The following SH3RF3 variants were observed in gnomAD, a reference collection of about 807,000 sequenced individuals.
SH3RF3 encodes the protein SH3 domain containing ring finger 3.
Under a neutral mutation model 66.3 loss-of-function variants are expected in SH3RF3, and 29 were observed. That is an observed-to-expected ratio of 0.44 (90% CI 0.33 to 0.60). SH3RF3 has a LOEUF of 0.60. SH3RF3 is among the 20% of genes least tolerant of loss of function. SH3RF3 has a pLI of 0.04. For missense variants in SH3RF3, 1,194 were observed against 1,190.9 expected (o/e 1.00, Z -0.04); for synonymous variants, 583 against 532.0 (o/e 1.10, Z -1.32).
At chr2:109,237,606 G>C (rs1679680006) in intron 1 of SH3RF3, among the ~76,000 whole-genome samples, 1 of 152,118 alleles carries the variant, frequency 6.6e-6, no homozygotes, top group Non-Finnish European at 1.5e-5. Flanking sequence ...TTGTGTGTGT[G>C]AATTTTTTTT....
intron 1 of SH3RF3, among the ~76,000 whole-genome samples, chr2:109,174,625 T>C (rs1371290399): frequency 6.6e-6 from 1 of 152,226 alleles, no homozygotes; most frequent in Non-Finnish European, 1.5e-5. Flanking sequence ...CCTTGCTATG[T>C]TTGATAAGGA....
rs972123734 is a variant in SH3RF3, at chr2:109,129,550, G to A, written c.10G>A (p.Gly4Arg). 1.5e-5 allele frequency: 23 copies of A among 1,495,548 alleles called. No homozygotes were observed. The highest frequency in any genetic ancestry group is 2.2e-4 in the Middle Eastern group (1 of 4,504). The allele number at this position is 1,495,548 out of a possible 1,614,324, so 92.6% of individuals were successfully genotyped here. Residue 4 changes from glycine to arginine, a missense_variant, in exon 1 of 10, where the codon GGA (glycine) becomes AGA (arginine). Gly to Arg is a moderately radical substitution (Grantham distance 125). Transcript: ENST00000309415. ...TGCGGGCGCCTCCCCCATGCTGCTC[G>A]GAGCGTCCTGGCTGTGCGCATCCAA... MLL[G>R]ASWLCASKAA... is the part of the protein sequence containing the mutation.
intron 1 of SH3RF3, among the ~76,000 whole-genome samples, chr2:109,262,030 C>T (rs1304423350): frequency 6.6e-6 from 1 of 152,174 alleles, no homozygotes; most frequent in African/African-American, 2.4e-5. Context: ...GAGCAGGAGA[C>T]AGGTCGGTGG....
At chr2:109,356,294 A>G (rs1427624517) in intron 2 of SH3RF3, among the ~76,000 whole-genome samples, 1 of 152,124 alleles carries the variant, frequency 6.6e-6, no homozygotes, top group Non-Finnish European at 1.5e-5. Flanking sequence ...CCACACAGCC[A>G]CAGAAACCAG....
At chr2:109,343,882 T>C (rs79382823) in intron 1 of SH3RF3, among the ~76,000 whole-genome samples, 8 of 152,226 alleles carry the variant, frequency 5.3e-5, no homozygotes, top group African/African-American at 1.9e-4. Flanking sequence ...TAGCTGAGAC[T>C]ACAGGTACTT....
At chr2:109,307,433 A>T (rs5003147) in intron 1 of SH3RF3, among the ~76,000 whole-genome samples, 45,948 of 149,450 alleles carry the variant, frequency 0.31, 8,667 homozygotes, top group African/African-American at 0.54. Flanking sequence ...TTTTTTTTTT[A>T]TTATTATACT....
chr2:109,376,689 A>C (rs1319537321), intron 3 of SH3RF3, among the ~76,000 whole-genome samples: 1 of 152,208 alleles, frequency 6.6e-6, no homozygotes, highest in Non-Finnish European at 1.5e-5. Flanking sequence ...ACTTATCCTC[A>C]ATAGGATATT....
intron 1 of SH3RF3, among the ~76,000 whole-genome samples, chr2:109,202,420 T>TTAGTACAATTACTAAATG (rs1678698033): frequency 6.6e-6 from 1 of 152,216 alleles, no homozygotes; most frequent in African/African-American, 2.4e-5. Context: ...ATTGTACTTT[T>TTAGTACAATTACTAAATG]TAGTACAATT....
chr2:109,148,911 A>G (rs1307662276), intron 1 of SH3RF3, among the ~76,000 whole-genome samples: 2 of 152,014 alleles, frequency 1.3e-5, no homozygotes, highest in African/African-American at 4.8e-5. Flanking sequence ...GGTTTTACCC[A>G]AAAAAAATCA....
intron 1 of SH3RF3, among the ~76,000 whole-genome samples, chr2:109,323,659 G>A (rs764548973): frequency 2.0e-5 from 3 of 152,184 alleles, no homozygotes; most frequent in Admixed American, 6.5e-5. Flanking sequence ...CTGTGTGTCC[G>A]CCAAGCTCCC....
intron 2 of SH3RF3, among the ~76,000 whole-genome samples, chr2:109,357,455 A>G (rs1443726449): frequency 6.6e-6 from 1 of 152,222 alleles, no homozygotes; most frequent in Non-Finnish European, 1.5e-5. Context: ...TGCTGGGATT[A>G]CAGGCGTGAG....
chr2:109,393,259 T>A (rs571955489), intron 3 of SH3RF3, among the ~76,000 whole-genome samples: 66 of 152,324 alleles, frequency 4.3e-4, no homozygotes, highest in African/African-American at 1.4e-3. Flanking sequence ...CTGGAACATG[T>A]GAGTCTGGTC....
At chr2:109,244,615 A>G (rs577795286) in intron 1 of SH3RF3, among the ~76,000 whole-genome samples, 1 of 152,270 alleles carries the variant, frequency 6.6e-6, no homozygotes, top group Non-Finnish European at 1.5e-5. Flanking sequence ...GGAAAACCCA[A>G]GAATGCCAGT....
intron 1 of SH3RF3, among the ~76,000 whole-genome samples, chr2:109,303,976 C>T (rs919299450): frequency 6.6e-6 from 1 of 152,032 alleles, no homozygotes; most frequent in Admixed American, 6.6e-5. Context: ...TGGCACTTGC[C>T]TATAATCTCA....
chr2:109,193,401 A>T (rs1046076579), intron 1 of SH3RF3, among the ~76,000 whole-genome samples: 1 of 152,162 alleles, frequency 6.6e-6, no homozygotes, highest in Admixed American at 6.5e-5. Flanking sequence ...ATCATAGACC[A>T]TTTTTATCAC....
At chr2:109,234,290 A>G (rs1222355632) in intron 1 of SH3RF3, among the ~76,000 whole-genome samples, 1 of 152,242 alleles carries the variant, frequency 6.6e-6, no homozygotes, top group Non-Finnish European at 1.5e-5. Flanking sequence ...CCTTTCATGG[A>G]CAGTTCATAT....
At chr2:109,271,007 C>T (rs963071687) in intron 1 of SH3RF3, among the ~76,000 whole-genome samples, 1 of 152,208 alleles carries the variant, frequency 6.6e-6, no homozygotes, top group African/African-American at 2.4e-5. Context: ...TGGGTCACCC[C>T]TCATTGAACA....
At chr2:109,489,025 C>G (rs1679054441) in intron 8 of SH3RF3, among the ~76,000 whole-genome samples, 5 of 152,218 alleles carry the variant, frequency 3.3e-5, no homozygotes, top group Admixed American at 3.3e-4. Flanking sequence ...AACAGCTGAC[C>G]TCCAGGATGA....
intron 8 of SH3RF3, among the ~76,000 whole-genome samples, chr2:109,458,116 C>T (rs1396430363): frequency 6.6e-6 from 1 of 152,216 alleles, no homozygotes; most frequent in Non-Finnish European, 1.5e-5. Flanking sequence ...ATACCATCAT[C>T]TCCCTCTAGG....
Sources: gnomAD v4.1 joint callset for allele counts (sites outside exome capture counted in the v4.1 genomes callset) on GRCh38, gnomAD v4.1.1 for gene constraint, MANE v1.5 for transcripts, NCBI Gene and HGNC (gene_info 2026-07-23, HGNC 2026-07-21) for gene names.